PRKN: variants seen among roughly 807,000 people sequenced by gnomAD.
PRKN encodes the protein E3 ubiquitin-protein ligase parkin.
A neutral mutation model predicts 59.5 loss-of-function variants in PRKN; 56 were observed. The ratio of observed to expected loss-of-function variants is 0.94; its 90% CI spans 0.76 to 1.18. The LOEUF (loss-of-function observed/expected upper bound fraction) is 1.18. Among genes scored for constraint, PRKN ranks in the 50% most tolerant of loss-of-function variants. PRKN has a pLI of 0.00. For missense variants in PRKN, 657 were observed against 596.4 expected (o/e 1.10, Z -1.06); for synonymous variants, 250 against 222.1 (o/e 1.13, Z -1.12).
rs1780656616 is a variant in PRKN, at chr6:161,566,720, T to C, written c.933+2635A>G. On this transcript the variant is annotated intron_variant, in intron 8 of 11. Coordinates refer to ENST00000366898, the MANE Select transcript of PRKN (RefSeq NM_004562.3). The surrounding 1 kb of genome is among the most constrained non-coding windows in gnomAD (Gnocchi z 4.1). ...CCACGCCTGGCCTCCTCCCACTTTA[T>C]TATTGCAACCCTATCTCATGCAATG... 6.6e-6 allele frequency among the ~76,000 whole-genome samples: 1 copy of C among 152,140 alleles called. No homozygotes were observed. The highest frequency in any genetic ancestry group is 2.1e-4 in the South Asian group (1 of 4,818).
chr6:161,906,655 C>CATATATATATATATATAT (rs1168847600), intron 6 of PRKN, among the ~76,000 whole-genome samples: 7 of 90,576 alleles, frequency 7.7e-5, no homozygotes, highest in African/African-American at 3.0e-4. Context: ...TCTAATAGAA[C>CATATATATATATATATAT]ATACATATAT....
At chr6:161,994,198 C>A (rs545288095) in intron 5 of PRKN, among the ~76,000 whole-genome samples, 1 of 147,836 alleles carries the variant, frequency 6.8e-6, no homozygotes, top group South Asian at 2.1e-4. Flanking sequence ...AAATGTGATA[C>A]ATCACATCAA....
chr6:162,360,586 T>TA (rs569809130), intron 2 of PRKN, among the ~76,000 whole-genome samples: 75 of 152,196 alleles, frequency 4.9e-4, no homozygotes, highest in African/African-American at 1.8e-3. Flanking sequence ...ATTTGTTCTT[T>TA]AAAAAACAAA....
intron 7 of PRKN, among the ~76,000 whole-genome samples, chr6:161,702,245 A>C (rs1415291715): frequency 2.0e-5 from 3 of 152,180 alleles, no homozygotes; most frequent in Admixed American, 6.5e-5. Context: ...TAAAAAGATA[A>C]ATTTTTAGGA....
At chr6:162,066,480 A>G (rs1267868867) in intron 4 of PRKN, among the ~76,000 whole-genome samples, 2 of 152,214 alleles carry the variant, frequency 1.3e-5, no homozygotes, top group Non-Finnish European at 2.9e-5. Flanking sequence ...TCCTAATGCA[A>G]CAGTGTTAGG....
intron 4 of PRKN, among the ~76,000 whole-genome samples, chr6:162,081,895 G>A (rs1035854904): frequency 6.6e-6 from 1 of 152,034 alleles, no homozygotes; most frequent in Non-Finnish European, 1.5e-5. Context: ...CATAACTTGA[G>A]GCAGCTTCTC....
At chr6:161,358,120 T>A (rs186645441) in intron 11 of PRKN, among the ~76,000 whole-genome samples, 97 of 151,126 alleles carry the variant, frequency 6.4e-4, no homozygotes, top group African/African-American at 2.2e-3. Context: ...TTTCCTAAAA[T>A]GTGTGTGGGG....
At chr6:162,038,514 G>C (rs1190982816) in intron 5 of PRKN, among the ~76,000 whole-genome samples, 1 of 152,094 alleles carries the variant, frequency 6.6e-6, no homozygotes, top group Non-Finnish European at 1.5e-5. Context: ...AAATATGGAA[G>C]CTCCTAGGGT....
intron 1 of PRKN, among the ~76,000 whole-genome samples, chr6:162,631,538 T>G (rs990856706): frequency 1.3e-5 from 2 of 152,124 alleles, no homozygotes; most frequent in Non-Finnish European, 2.9e-5. Flanking sequence ...TAAATTTTTT[T>G]TATTGTGTTT....
chr6:161,408,373 G>T (rs1371047891), intron 9 of PRKN, among the ~76,000 whole-genome samples: 1 of 150,524 alleles, frequency 6.6e-6, no homozygotes, highest in African/African-American at 2.4e-5. Context: ...TAAAATTGCG[G>T]ACATGTGGGT....
At chr6:162,223,672 T>C (rs1778039273) in intron 3 of PRKN, among the ~76,000 whole-genome samples, 1 of 142,294 alleles carries the variant, frequency 7.0e-6, no homozygotes, top group African/African-American at 2.8e-5. Flanking sequence ...AACATAATGC[T>C]CCAGAAACAG....
chr6:162,555,802 C>A (rs1304191451), intron 1 of PRKN, among the ~76,000 whole-genome samples: 1 of 151,790 alleles, frequency 6.6e-6, no homozygotes, highest in East Asian at 1.9e-4. Flanking sequence ...GCCAGCCTGG[C>A]CAACATGATA....
Position 161,558,395 on chromosome 6 carries a change from C to T in PRKN, c.934-9392G>A, listed in dbSNP as rs1418959243. ...TAGGCAACACAGCAAGACCCCATTT[C>T]GACAAAAAATTAAAAAAAAATTACC... On this transcript the variant is annotated intron_variant, in intron 8 of 11. Transcript: ENST00000366898. Among the ~76,000 whole-genome samples, 7 of 151,764 alleles carry T rather than the reference C, an allele frequency of 4.6e-5. No individual in the cohort carries two copies. In the East Asian group the frequency reaches 5.8e-4, roughly 13 times the overall value.
intron 7 of PRKN, among the ~76,000 whole-genome samples, chr6:161,677,903 C>T (rs1176280808): frequency 6.6e-6 from 1 of 152,140 alleles, no homozygotes; most frequent in African/African-American, 2.4e-5. Context: ...ACCAGCTACT[C>T]ATGGACTCAA....
intron 7 of PRKN, among the ~76,000 whole-genome samples, chr6:161,764,192 G>A (rs933195960): frequency 1.3e-5 from 2 of 151,940 alleles, no homozygotes; most frequent in African/African-American, 4.8e-5. Context: ...CACTTCCTCC[G>A]TTTCTTCCAT....
At chr6:162,133,731 C>CA (rs2128308625) in intron 4 of PRKN, among the ~76,000 whole-genome samples, 1 of 152,280 alleles carries the variant, frequency 6.6e-6, no homozygotes, top group Admixed American at 6.5e-5. Flanking sequence ...GTCGTCAGGG[C>CA]AGCCAAAGAG....
At chr6:162,484,253 T>C (rs912165536) in intron 1 of PRKN, among the ~76,000 whole-genome samples, 1 of 152,124 alleles carries the variant, frequency 6.6e-6, no homozygotes, top group Non-Finnish European at 1.5e-5. Flanking sequence ...TCTATTTTAA[T>C]GAAGATGAAA....
chr6:162,453,165 CG>C (rs1583597549), intron 1 of PRKN, among the ~76,000 whole-genome samples: 1 of 152,076 alleles, frequency 6.6e-6, no homozygotes, highest in East Asian at 1.9e-4. Flanking sequence ...CCAGGTTCCC[CG>C]GCTGGAAACA....
At chr6:162,117,490 C>G (rs1469326898) in intron 4 of PRKN, among the ~76,000 whole-genome samples, 1 of 152,176 alleles carries the variant, frequency 6.6e-6, no homozygotes, top group South Asian at 2.1e-4. Context: ...CATTTCCAAG[C>G]CAAGTCTCCC....
Sources: gnomAD v4.1 joint callset for allele counts (sites outside exome capture counted in the v4.1 genomes callset) on GRCh38, gnomAD v4.1.1 for gene constraint, Gnocchi (gnomAD v3.1) non-coding constraint, MANE v1.5 for transcripts, NCBI Gene and HGNC (gene_info 2026-07-23, HGNC 2026-07-21) for gene names.